PTPRM: variants seen among roughly 807,000 people sequenced by gnomAD.
PTPRM encodes receptor-type tyrosine-protein phosphatase mu.
In PTPRM, 47 loss-of-function variants were observed where a neutral mutation model predicts 186.7. The observed-to-expected ratio is 0.25, with a 90% confidence interval of 0.20 to 0.32. The LOEUF (loss-of-function observed/expected upper bound fraction) is 0.32. Among genes scored for constraint, PTPRM ranks in the 10% least tolerant of loss-of-function variants. The pLI is 1.00. For synonymous variants in PTPRM, 668 were observed against 674.9 expected, an observed-to-expected ratio of 0.99 and a Z score of 0.16; for missense variants, 1,494 against 1,865.0, an observed-to-expected ratio of 0.80 and a Z score of 3.66.
chr18:8,240,501 GGAAGGA>G (rs1568582756), intron 14 of PTPRM, among the ~76,000 whole-genome samples: 24 of 44,800 alleles, frequency 5.4e-4, no homozygotes, highest in African/African-American at 2.4e-3. Flanking sequence ...GAGAGAGAGA[GGAAGGA>G]AGGAAGGAAG....
At chr18:8,162,919 A>T (rs1373160055) in intron 14 of PTPRM, among the ~76,000 whole-genome samples, 1 of 152,176 alleles carries the variant, frequency 6.6e-6, no homozygotes, top group Non-Finnish European at 1.5e-5. Context: ...CAGTTGTAAA[A>T]ATGCTCTGCT....
At chr18:8,183,372 T>C (rs1393330173) in intron 14 of PTPRM, among the ~76,000 whole-genome samples, 4 of 152,186 alleles carry the variant, frequency 2.6e-5, no homozygotes, top group African/African-American at 9.7e-5. Flanking sequence ...GCTCATAATA[T>C]AATCAATCGG....
intron 1 of PTPRM, among the ~76,000 whole-genome samples, chr18:7,629,974 G>A (rs752206439): frequency 2.0e-5 from 3 of 152,088 alleles, no homozygotes; most frequent in Non-Finnish European, 2.9e-5. Context: ...AGCTGGCCTG[G>A]ATGGTAGACC....
At chr18:8,399,209 A>G (rs1014056540) in intron 32 of PTPRM, among the ~76,000 whole-genome samples, 3 of 152,188 alleles carry the variant, frequency 2.0e-5, no homozygotes, top group African/African-American at 7.2e-5. Flanking sequence ...GGTTGTTTCA[A>G]ACTTCCTTCC....
chr18:7,773,570 G>GTTTTTTTTT (rs10708698), intron 1 of PTPRM, among the ~76,000 whole-genome samples: 14 of 129,080 alleles, frequency 1.1e-4, no homozygotes, highest in Non-Finnish European at 1.8e-4. Flanking sequence ...TCTTTTCTTT[G>GTTTTTTTTT]TTTTTTTTTT....
intron 14 of PTPRM, among the ~76,000 whole-genome samples, chr18:8,213,888 A>G (rs1423475916): frequency 6.6e-6 from 1 of 152,204 alleles, no homozygotes; most frequent in African/African-American, 2.4e-5. Context: ...GATAAATAAT[A>G]TTTATAGAAA....
intron 14 of PTPRM, among the ~76,000 whole-genome samples, chr18:8,188,766 G>A (rs1364050333): frequency 2.6e-5 from 4 of 152,216 alleles, no homozygotes; most frequent in East Asian, 1.9e-4. Context: ...AGGCTTTTGT[G>A]TGTGTGTTGG....
intron 7 of PTPRM, among the ~76,000 whole-genome samples, chr18:7,978,986 A>C (rs1325423472): frequency 3.9e-5 from 6 of 152,154 alleles, no homozygotes; most frequent in Non-Finnish European, 7.3e-5. Context: ...ATTTTCACTG[A>C]GCCATAGGCC....
intron 1 of PTPRM, among the ~76,000 whole-genome samples, chr18:7,680,411 C>T (rs561391747): frequency 4.7e-4 from 71 of 152,168 alleles, no homozygotes; most frequent in African/African-American, 1.6e-3. Flanking sequence ...TCCCCAAGGG[C>T]CTTAGTGTGT....
intron 23 of PTPRM, among the ~76,000 whole-genome samples, chr18:8,352,658 T>TTTTG (rs1408593312): frequency 7.8e-6 from 1 of 127,436 alleles, no homozygotes; most frequent in Admixed American, 7.7e-5. Context: ...GTTTGGTTTT[T>TTTTG]TTTGTTTGTT....
chr18:7,875,765 A>G (rs1272633509), intron 2 of PTPRM, among the ~76,000 whole-genome samples: 1 of 152,116 alleles, frequency 6.6e-6, no homozygotes, highest in African/African-American at 2.4e-5. Context: ...GTATGTGTGT[A>G]TATACCTGTA....
intron 1 of PTPRM, among the ~76,000 whole-genome samples, chr18:7,660,596 A>T (rs2038956802): frequency 6.6e-6 from 1 of 152,108 alleles, no homozygotes; most frequent in Non-Finnish European, 1.5e-5. Context: ...CCTAGTTGAG[A>T]TCAGAAGGTA....
At chr18:7,966,472 A>G (rs890368973) in intron 7 of PTPRM, among the ~76,000 whole-genome samples, 2 of 152,126 alleles carry the variant, frequency 1.3e-5, no homozygotes, top group East Asian at 1.9e-4. Flanking sequence ...CCGAATAGGA[A>G]CAGCTCCGGT....
At chr18:7,950,420 C>T (rs1253773728) in intron 6 of PTPRM, among the ~76,000 whole-genome samples, 2 of 150,642 alleles carry the variant, frequency 1.3e-5, no homozygotes, top group Non-Finnish European at 2.9e-5. Context: ...CAAAAATTGT[C>T]TGTTTCTTAT....
chr18:7,950,563 T>C (rs1018934939), intron 6 of PTPRM, among the ~76,000 whole-genome samples: 2 of 152,306 alleles, frequency 1.3e-5, no homozygotes, highest in Non-Finnish European at 1.5e-5. Flanking sequence ...TGCTGTTTCC[T>C]TGTGTGTAAG....
chr18:8,120,102 T>C (rs949626968), intron 13 of PTPRM, among the ~76,000 whole-genome samples: 12 of 152,258 alleles, frequency 7.9e-5, no homozygotes, highest in African/African-American at 2.6e-4. Flanking sequence ...GCAGGTCTGC[T>C]CTTGCTGGGC....
At chr18:7,582,243 G>A (rs113783888) in intron 1 of PTPRM, among the ~76,000 whole-genome samples, 45 of 152,236 alleles carry the variant, frequency 3.0e-4, no homozygotes, top group African/African-American at 9.6e-4. Context: ...GACCTAAGTT[G>A]GGCTCGGTAT....
intron 1 of PTPRM, among the ~76,000 whole-genome samples, chr18:7,713,243 C>T (rs897074211): frequency 6.6e-6 from 1 of 152,108 alleles, no homozygotes; most frequent in African/African-American, 2.4e-5. Context: ...GAATTTTCAA[C>T]CTAGAATTTC....
intron 2 of PTPRM, among the ~76,000 whole-genome samples, chr18:7,812,560 C>T (rs988524354): frequency 8.5e-5 from 13 of 152,126 alleles, no homozygotes; most frequent in Admixed American, 5.9e-4. Flanking sequence ...AAAAGATGGA[C>T]TCTTTCTCTT....
Sources: allele counts gnomAD v4.1 joint callset (sites outside exome capture counted in the v4.1 genomes callset), GRCh38; gene constraint gnomAD v4.1.1; transcripts MANE v1.5; gene names NCBI Gene and HGNC (gene_info 2026-07-23, HGNC 2026-07-21).